CDH18: variants seen among roughly 807,000 people sequenced by gnomAD.
The protein encoded by CDH18 is cadherin-18.
Under a neutral mutation model 67.9 loss-of-function variants are expected in CDH18, and 31 were observed. The ratio of observed to expected loss-of-function variants is 0.46; its 90% CI spans 0.34 to 0.62. CDH18 has a LOEUF of 0.62. CDH18 is among the 20% of genes least tolerant of loss of function. The pLI, the probability that CDH18 is intolerant of heterozygous loss-of-function variation, is 0.01. For synonymous variants in CDH18, 362 were observed against 347.2 expected (o/e 1.04, Z -0.48); for missense variants, 890 against 975.5 (o/e 0.91, Z 1.17).
intron 2 of CDH18, among the ~76,000 whole-genome samples, chr5:20,117,858 T>G (rs1748048348): frequency 6.6e-6 from 1 of 152,190 alleles, no homozygotes; most frequent in Admixed American, 6.5e-5. Flanking sequence ...AACATTAACT[T>G]TTTTTAAAAG....
chr5:20,507,915 A>G (rs1754752559), intron 1 of CDH18, among the ~76,000 whole-genome samples: 1 of 152,100 alleles, frequency 6.6e-6, no homozygotes, highest in African/African-American at 2.4e-5. Context: ...GACACGCAGG[A>G]CTTTTCTATT....
intron 1 of CDH18, among the ~76,000 whole-genome samples, chr5:20,268,903 G>A (rs988916804): frequency 7.9e-5 from 12 of 152,054 alleles, no homozygotes; most frequent in South Asian, 2.1e-4. Flanking sequence ...ATGCTTCTGC[G>A]CAACAAAATA....
At chr5:20,470,175 C>T (rs1242007608) in intron 1 of CDH18, among the ~76,000 whole-genome samples, 4 of 152,128 alleles carry the variant, frequency 2.6e-5, no homozygotes, top group Non-Finnish European at 4.4e-5. Context: ...TTTCCCTCAA[C>T]AACCTTATAT....
At chr5:19,949,090 A>C (rs1254941323) in intron 2 of CDH18, among the ~76,000 whole-genome samples, 1 of 152,158 alleles carries the variant, frequency 6.6e-6, no homozygotes, top group Non-Finnish European at 1.5e-5. Flanking sequence ...ATGTGGAATC[A>C]AATATTTCAT....
At chr5:20,133,049 A>G (rs1359679851) in intron 2 of CDH18, among the ~76,000 whole-genome samples, 1 of 152,014 alleles carries the variant, frequency 6.6e-6, no homozygotes, top group Non-Finnish European at 1.5e-5. Context: ...TTCTCTTCTT[A>G]TATTATTTTC....
intron 1 of CDH18, among the ~76,000 whole-genome samples, chr5:20,538,465 C>T (rs1279685049): frequency 1.3e-5 from 2 of 152,132 alleles, no homozygotes; most frequent in Non-Finnish European, 2.9e-5. Flanking sequence ...TTGCTATGAG[C>T]ATGCATGTCA....
At chr5:20,290,402 G>C (rs1301269552) in intron 1 of CDH18, among the ~76,000 whole-genome samples, 2 of 152,032 alleles carry the variant, frequency 1.3e-5, no homozygotes, top group Admixed American at 6.6e-5. Context: ...TTAGAGGTGG[G>C]GAAGATCAGA....
intron 1 of CDH18, among the ~76,000 whole-genome samples, chr5:20,317,507 A>G (rs1320934638): frequency 6.6e-6 from 1 of 152,148 alleles, no homozygotes; most frequent in Non-Finnish European, 1.5e-5. Flanking sequence ...TACTTTCAGT[A>G]GTACACATAT....
At chr5:20,217,449 T>C (rs1580503298) in intron 2 of CDH18, among the ~76,000 whole-genome samples, 1 of 151,904 alleles carries the variant, frequency 6.6e-6, no homozygotes. Context: ...TAAGTTGTCA[T>C]CAGTTTAAAA....
At chr5:20,095,339 GAAAGAAAGAAAGAAAGAA>G (rs1561785930) in intron 2 of CDH18, among the ~76,000 whole-genome samples, 2 of 78,704 alleles carry the variant, frequency 2.5e-5, no homozygotes, top group African/African-American at 8.3e-5. Context: ...AAGAAAGAAA[GAAAGAAAGAAAGAAAGAA>G]AGAAAAGACA....
chr5:20,117,857 T>C (rs982812506), intron 2 of CDH18, among the ~76,000 whole-genome samples: 4 of 152,168 alleles, frequency 2.6e-5, no homozygotes, highest in African/African-American at 9.7e-5. Context: ...TAACATTAAC[T>C]TTTTTTAAAA....
chr5:20,203,568 C>G (rs1739620883), intron 2 of CDH18, among the ~76,000 whole-genome samples: 1 of 121,944 alleles, frequency 8.2e-6, no homozygotes, highest in African/African-American at 3.7e-5. Context: ...AGGCAGTGAC[C>G]TAGTGGAGGG....
intron 1 of CDH18, among the ~76,000 whole-genome samples, chr5:20,545,353 TG>T (rs1289564565): frequency 6.6e-6 from 1 of 152,236 alleles, no homozygotes; most frequent in Non-Finnish European, 1.5e-5. Context: ...GCACTCTGTG[TG>T]GGTGCTCCAA....
At chr5:19,915,358 T>C (rs1191061421) in intron 2 of CDH18, among the ~76,000 whole-genome samples, 1 of 152,130 alleles carries the variant, frequency 6.6e-6, no homozygotes, top group Non-Finnish European at 1.5e-5. Context: ...TTGGACAAGG[T>C]GGGGGTTGAG....
At position 19,713,721 on chromosome 5, in the gene CDH18, A is replaced by C. The variant is rs190568914; in HGVS notation, c.643+7626T>G. Among the ~76,000 whole-genome samples, 662 of 152,214 alleles carry C rather than the reference A, an allele frequency of 4.3e-3. 5 individuals are homozygous for C. Among genetic ancestry groups the C allele is most frequent in the African/African-American group, 0.015 (633 of 41,542 alleles). ...CATTCTCAGTGGAGTATCAGAGAAA[A>C]ATGCATTTAGTTTCATTTTGATTCC... On this transcript the variant is annotated intron_variant, in intron 5 of 12. Transcript: ENST00000382275.
intron 2 of CDH18, among the ~76,000 whole-genome samples, chr5:20,092,280 T>C (rs1440597250): frequency 6.6e-6 from 1 of 152,122 alleles, no homozygotes; most frequent in African/African-American, 2.4e-5. Flanking sequence ...TACCCTCCCT[T>C]TGAAAAAACA....
chr5:20,200,173 T>G (rs1372648625), intron 2 of CDH18, among the ~76,000 whole-genome samples: 2 of 152,210 alleles, frequency 1.3e-5, no homozygotes, highest in African/African-American at 4.8e-5. Flanking sequence ...GGGAAACATA[T>G]TATCCTTTTT....
rs541846796 is a variant in CDH18 at position 20,279,151 on chromosome 5, C to CA, written c.-579-23647dup. 1.6e-3 allele frequency among the ~76,000 whole-genome samples: 242 copies of CA among 151,762 alleles called. 1 individual carries two copies. Among genetic ancestry groups the CA allele is most frequent in the African/African-American group, 5.5e-3 (227 of 41,402 alleles). ...ATGAGACTCAAAGATCTGCTACCTA[C>CA]AAAAAAACCACACATTACAAAGACA... is the stretch of plus-strand genomic sequence containing the variant. On this transcript the variant is annotated intron_variant, in intron 1 of 14. Transcript: ENST00000507958.
At chr5:20,409,273 C>T (rs1158970182) in intron 1 of CDH18, among the ~76,000 whole-genome samples, 1 of 151,708 alleles carries the variant, frequency 6.6e-6, no homozygotes, top group East Asian at 1.9e-4. Context: ...AATATTAGGC[C>T]ACAAAACATG....
Sources: allele counts gnomAD v4.1 joint callset (sites outside exome capture counted in the v4.1 genomes callset), GRCh38; gene constraint gnomAD v4.1.1; transcripts MANE v1.5; gene names NCBI Gene and HGNC (gene_info 2026-07-23, HGNC 2026-07-21).